RASAL2: variants seen among roughly 807,000 people sequenced by gnomAD.
The protein encoded by RASAL2 is RAS protein activator like 2.
Under a neutral mutation model 128.9 loss-of-function variants are expected in RASAL2, and 58 were observed. The observed-to-expected ratio is 0.45, with a 90% CI of 0.36 to 0.56. The LOEUF (loss-of-function observed/expected upper bound fraction) is 0.56. Ranked by LOEUF, RASAL2 falls within the 20% of genes least tolerant of loss-of-function variation. The probability of loss-of-function intolerance (pLI) is 0.00; values close to 1 mark genes in which losing one functional copy is unlikely to be tolerated. For missense variants in RASAL2, 1,360 were observed against 1,601.6 expected, an observed-to-expected ratio of 0.85 and a Z score of 2.57; for synonymous variants, 561 against 580.8, an observed-to-expected ratio of 0.97 and a Z score of 0.49.
intron 3 of RASAL2, among the ~76,000 whole-genome samples, chr1:178,356,367 C>T (rs1267938426): frequency 1.3e-5 from 2 of 151,930 alleles, no homozygotes; most frequent in African/African-American, 4.8e-5. Context: ...GTAATGCTAA[C>T]CCAACATAAA....
At chr1:178,236,343 C>T (rs1050919615) in intron 1 of RASAL2, among the ~76,000 whole-genome samples, 24 of 151,994 alleles carry the variant, frequency 1.6e-4, no homozygotes, top group Non-Finnish European at 3.4e-4. Context: ...TAACCATGTA[C>T]CTGTCTCTCA....
intron 14 of RASAL2, among the ~76,000 whole-genome samples, chr1:178,461,557 G>A (rs1388980917): frequency 1.3e-5 from 2 of 151,576 alleles, no homozygotes; most frequent in Non-Finnish European, 2.9e-5. Context: ...CATCTACTTC[G>A]TACAAACAGT....
intron 14 of RASAL2, among the ~76,000 whole-genome samples, chr1:178,461,483 C>T (rs1678195272): frequency 6.6e-6 from 1 of 151,900 alleles, no homozygotes; most frequent in Non-Finnish European, 1.5e-5. Context: ...ATTTTTTAAC[C>T]CATTTCAGCC....
chr1:178,148,180 T>G (rs908656240), intron 1 of RASAL2, among the ~76,000 whole-genome samples: 1 of 151,646 alleles, frequency 6.6e-6, no homozygotes, highest in African/African-American at 2.4e-5. Context: ...TCATTTATTT[T>G]CTTTGCTCAC....
intron 1 of RASAL2, among the ~76,000 whole-genome samples, chr1:178,140,008 G>T (rs1005694883): frequency 1.3e-5 from 2 of 152,082 alleles, no homozygotes; most frequent in Admixed American, 6.5e-5. Context: ...AGAGGTGAAA[G>T]AACTTGTCAC....
chr1:178,254,682 G>A (rs1218247258), intron 1 of RASAL2, among the ~76,000 whole-genome samples: 1 of 152,156 alleles, frequency 6.6e-6, no homozygotes, highest in African/African-American at 2.4e-5. Context: ...TCTTTCCTCA[G>A]CTCCTTGTTG....
chr1:178,137,089 A>C, intron 1 of RASAL2, among the ~76,000 whole-genome samples: 1 of 152,326 alleles, frequency 6.6e-6, no homozygotes, highest in East Asian at 1.9e-4. Context: ...CACAAGGGCT[A>C]TAATTCTGCT....
intron 1 of RASAL2, among the ~76,000 whole-genome samples, chr1:178,238,219 G>A (rs143321896): frequency 2.6e-5 from 4 of 152,162 alleles, no homozygotes. Flanking sequence ...TAGCATAATG[G>A]TTTCATGGCT....
chr1:178,169,954 G>C (rs552363954), intron 1 of RASAL2, among the ~76,000 whole-genome samples: 4 of 152,046 alleles, frequency 2.6e-5, no homozygotes, highest in South Asian at 2.1e-4. Context: ...AACATTAACA[G>C]TTTGGCTAAG....
At chr1:178,156,344 T>A (rs1240186201) in intron 1 of RASAL2, among the ~76,000 whole-genome samples, 1 of 152,206 alleles carries the variant, frequency 6.6e-6, no homozygotes, top group Non-Finnish European at 1.5e-5. Flanking sequence ...GGATTAATTG[T>A]GTGATTTCTA....
At chr1:178,241,565 A>G (rs1009378024) in intron 1 of RASAL2, among the ~76,000 whole-genome samples, 8 of 152,140 alleles carry the variant, frequency 5.3e-5, no homozygotes, top group Non-Finnish European at 1.0e-4. Flanking sequence ...TGATATCTCT[A>G]TCCATCTTTA....
chr1:178,230,301 G>A (rs1248756454), intron 1 of RASAL2, among the ~76,000 whole-genome samples: 2 of 152,116 alleles, frequency 1.3e-5, no homozygotes, highest in Non-Finnish European at 2.9e-5. Flanking sequence ...TTTCTCTTGA[G>A]TAAATACCTG....
At chr1:178,253,070 G>C (rs1420443916) in intron 1 of RASAL2, among the ~76,000 whole-genome samples, 1 of 152,128 alleles carries the variant, frequency 6.6e-6, no homozygotes, top group African/African-American at 2.4e-5. Context: ...CTAGGTGTCA[G>C]CAGGGTTGGT....
Position 178,451,701 on chromosome 1 carries a change from C to T in RASAL2, c.1758C>T (p.Ile586=). The T allele has an allele frequency of 6.2e-7, 1 of 1,613,442 alleles. No individual in the cohort carries two copies. Among genetic ancestry groups the T allele is most frequent in the Non-Finnish European group, 8.5e-7 (1 of 1,179,596 alleles). The change falls in exon 10 of 18, where the codon ATC becomes ATT. Residue 586 remains isoleucine (I), a synonymous_variant. Transcript: ENST00000367649. ...KMCCELAFCK[I]INSYCVFPRE... The stretch of plus-strand genomic sequence containing the variant: ...GCTGTGAGCTGGCTTTCTGCAAGAT[C>T]ATCAACTCTTACTGGTGAGCTTATC...
chr1:178,315,248 A>G (rs2102315012), intron 3 of RASAL2, among the ~76,000 whole-genome samples: 1 of 150,018 alleles, frequency 6.7e-6, no homozygotes, highest in South Asian at 2.1e-4. Context: ...CGCAATAACC[A>G]TACATGTGCA....
At chr1:178,392,044 C>T (rs2102613305) in intron 4 of RASAL2, among the ~76,000 whole-genome samples, 1 of 152,290 alleles carries the variant, frequency 6.6e-6, no homozygotes, top group East Asian at 1.9e-4. Flanking sequence ...CAATGACACA[C>T]TTATTGAATG....
rs1677895386 is a variant in RASAL2, at chr1:178,457,951, A to G, written c.2659A>G (p.Ile887Val). 1.9e-6 allele frequency: 3 copies of G among 1,614,000 alleles called. No homozygotes were observed. Among genetic ancestry groups the G allele is most frequent in the Non-Finnish European group, 2.5e-6 (3 of 1,180,024 alleles). ...SQLSITQVAS[I>V]KQLRETQSTP... is the part of the protein sequence containing the mutation. ...GCTTTCCATAACCCAGGTGGCCAGC[A>G]TCAAACAGCTGCGGGAAACCCAGAG... Residue 887 changes from isoleucine (I) to valine (V), a missense_variant, in exon 14 of 18, where the codon ATC becomes GTC. Ile to Val is a conservative substitution (Grantham distance 29). Transcript: ENST00000367649.
chr1:178,234,607 AAATGG>A (rs1442684476), intron 1 of RASAL2, among the ~76,000 whole-genome samples: 16 of 152,312 alleles, frequency 1.1e-4, no homozygotes, highest in African/African-American at 3.6e-4. Context: ...ATTGCCTTAA[AAATGG>A]TTGACCTTAT....
Position 178,403,479 on chromosome 1 carries a change from G to A in RASAL2, c.564+13273G>A, listed in dbSNP as rs1281654954. On this transcript the variant is annotated intron_variant, in intron 4 of 17. Transcript: ENST00000367649. Reference sequence around the variant, plus strand: ...TAAAATAGGAACAGAATTAATTATAGGTCAAGGTAGGGGAAAACAGTAGTA... The same window carrying A: ...TAAAATAGGAACAGAATTAATTATAAGTCAAGGTAGGGGAAAACAGTAGTA... 1.3e-5 allele frequency among the ~76,000 whole-genome samples: 2 copies of A among 152,136 alleles called. 1 individual carries two copies. Among genetic ancestry groups the A allele is most frequent in the Non-Finnish European group, 2.9e-5 (2 of 68,020 alleles).
Sources: gnomAD v4.1 joint callset for allele counts (sites outside exome capture counted in the v4.1 genomes callset) on GRCh38, gnomAD v4.1.1 for gene constraint, MANE v1.5 for transcripts, NCBI Gene and HGNC (gene_info 2026-07-23, HGNC 2026-07-21) for gene names.